SORCS1: variants seen among roughly 807,000 people sequenced by gnomAD.
SORCS1 encodes sortilin related VPS10 domain containing receptor 1.
Under a neutral mutation model 146.1 loss-of-function variants are expected in SORCS1, and 60 were observed. The ratio of observed to expected loss-of-function variants is 0.41; its 90% CI spans 0.33 to 0.51. The LOEUF (loss-of-function observed/expected upper bound fraction) is 0.51, where lower values mean the gene tolerates loss of function less well. Among genes scored for constraint, SORCS1 ranks in the 20% least tolerant of loss-of-function variants. The pLI is 0.21. For synonymous variants in SORCS1, 637 were observed against 584.0 expected, an observed-to-expected ratio of 1.09 and a Z score of -1.31; for missense variants, 1,352 against 1,487.6, an observed-to-expected ratio of 0.91 and a Z score of 1.50.
intron 2 of SORCS1, among the ~76,000 whole-genome samples, chr10:106,866,910 T>C (rs1480584830): frequency 6.6e-6 from 1 of 152,142 alleles, no homozygotes; most frequent in East Asian, 1.9e-4. Flanking sequence ...AAAAAACCAA[T>C]GCAAAGCCTC....
At position 107,038,839 on chromosome 10, in the gene SORCS1, G is replaced by A. The variant is rs1016159751; in HGVS notation, c.559-82259C>T. ...GACTAACAGAAAAGTTACCAAAACC[G>A]AACTTCAACCAAAGTTTATGGCATG... On this transcript the variant is annotated intron_variant, in intron 1 of 25. Transcript: ENST00000263054. Among the ~76,000 whole-genome samples, 4 of 152,026 alleles carry A rather than the reference G, an allele frequency of 2.6e-5. 1 individual carries two copies. The highest frequency in any genetic ancestry group is 9.7e-5 in the African/African-American group (4 of 41,420).
At chr10:106,687,724 T>C (rs953685385) in intron 10 of SORCS1, among the ~76,000 whole-genome samples, 1 of 152,174 alleles carries the variant, frequency 6.6e-6, no homozygotes, top group Admixed American at 6.5e-5. Context: ...CAGTGGTTCT[T>C]ACCTTTTTTG....
Position 106,576,917 on chromosome 10 carries a change from C to A in SORCS1, c.*503G>T. On this transcript the variant is annotated 3_prime_UTR_variant, in exon 26 of 26. Transcript: ENST00000263054. ...ATTTCCAAAAATACATGCAGATTTC[C>A]TTGGCCTATATATGTTATGAATTTT... 5.0e-6 allele frequency: 1 copy of A among 198,164 alleles called. No homozygotes were observed. The highest frequency in any genetic ancestry group is 1.0e-5 in the Non-Finnish European group (1 of 96,262). 12.3% of individuals were successfully genotyped at this position (198,164 alleles called of 1,614,324 possible). A position where few individuals can be genotyped will look rare whatever the true frequency, so the allele number is the denominator to read the frequency against.
intron 3 of SORCS1, among the ~76,000 whole-genome samples, chr10:106,787,971 C>T (rs1946134519): frequency 6.6e-6 from 1 of 152,170 alleles, no homozygotes; most frequent in Non-Finnish European, 1.5e-5. Flanking sequence ...ATATGAAAGA[C>T]AGTTCATAGA....
chr10:107,004,328 C>T (rs1454335754), intron 1 of SORCS1, among the ~76,000 whole-genome samples: 1 of 152,048 alleles, frequency 6.6e-6, no homozygotes, highest in Non-Finnish European at 1.5e-5. Context: ...TATCACACTG[C>T]TAATGAAGAC....
chr10:106,633,926 T>C (rs1317283689), intron 18 of SORCS1, among the ~76,000 whole-genome samples: 1 of 152,178 alleles, frequency 6.6e-6, no homozygotes, highest in Non-Finnish European at 1.5e-5. Flanking sequence ...TAGCAAAGGC[T>C]GAGGCCCTCT....
chr10:107,056,052 G>A (rs1421952639), intron 1 of SORCS1, among the ~76,000 whole-genome samples: 2 of 152,126 alleles, frequency 1.3e-5, no homozygotes, highest in African/African-American at 2.4e-5. Context: ...TATGACATTT[G>A]GCAGAAACAA....
chr10:107,167,996 T>C (rs1462996976), upstream of SORCS1, among the ~76,000 whole-genome samples: 1 of 152,188 alleles, frequency 6.6e-6, no homozygotes, highest in East Asian at 1.9e-4. Flanking sequence ...TTATTGTAAC[T>C]GCTTAATACT....
At chr10:106,899,591 CTTTTTTTTTTTT>C (rs35476429) in intron 2 of SORCS1, among the ~76,000 whole-genome samples, 7 of 97,526 alleles carry the variant, frequency 7.2e-5, no homozygotes, top group East Asian at 3.2e-4. Flanking sequence ...GCCACCAGGG[CTTTTTTTTTTTT>C]TTTTTTTTTG....
intron 1 of SORCS1, among the ~76,000 whole-genome samples, chr10:107,157,777 A>T (rs924927270): frequency 3.3e-5 from 5 of 152,112 alleles, no homozygotes; most frequent in African/African-American, 4.8e-5. Context: ...GTACAATCGG[A>T]GCAGAGTTTG....
rs191891953 is a variant in SORCS1, at chr10:106,973,173, G to A, written c.559-16593C>T. On this transcript the variant is annotated intron_variant, in intron 1 of 25. Transcript: ENST00000263054. ...AACAAGACCATCTGTCTTCTCCTCT[G>A]CTCAGGGAAGACTTTCCTAAACTGA... Among the ~76,000 whole-genome samples the A allele has an allele frequency of 6.1e-4, 93 of 152,278 alleles. 1 individual carries two copies. The highest frequency in any genetic ancestry group is 2.2e-3 in the African/African-American group (92 of 41,560).
intron 5 of SORCS1, among the ~76,000 whole-genome samples, chr10:106,746,253 T>C (rs1314426691): frequency 6.6e-6 from 1 of 152,238 alleles, no homozygotes; most frequent in Non-Finnish European, 1.5e-5. Flanking sequence ...TTGGTAAACA[T>C]TGCACCATGG....
intron 2 of SORCS1, among the ~76,000 whole-genome samples, chr10:106,878,291 G>A (rs886191192): frequency 1.3e-5 from 2 of 151,674 alleles, no homozygotes; most frequent in Non-Finnish European, 2.9e-5. Context: ...CAATAATTCG[G>A]GATATACATA....
intron 5 of SORCS1, among the ~76,000 whole-genome samples, chr10:106,750,526 G>A (rs1024268164): frequency 6.6e-6 from 1 of 150,692 alleles, no homozygotes; most frequent in Admixed American, 6.6e-5. Context: ...ATAGGAGATC[G>A]AGACGATCCT....
At chr10:107,148,104 T>A (rs1225442105) in intron 1 of SORCS1, among the ~76,000 whole-genome samples, 1 of 152,214 alleles carries the variant, frequency 6.6e-6, no homozygotes, top group Non-Finnish European at 1.5e-5. Flanking sequence ...ATCCACTTTG[T>A]GACTGGAAGT....
intron 17 of SORCS1, among the ~76,000 whole-genome samples, chr10:106,652,852 C>T (rs1849979978): frequency 6.6e-6 from 1 of 152,280 alleles, no homozygotes; most frequent in South Asian, 2.1e-4. Flanking sequence ...AGCCCCTACT[C>T]TCACTAAGTT....
intron 1 of SORCS1, among the ~76,000 whole-genome samples, chr10:107,156,397 G>A (rs1220713510): frequency 2.6e-5 from 4 of 152,244 alleles, no homozygotes; most frequent in Middle Eastern, 3.4e-3. Context: ...GTTCATAAAG[G>A]TGTCGTGATA....
chr10:106,778,637 T>A (rs539203402), intron 3 of SORCS1, among the ~76,000 whole-genome samples: 1 of 152,230 alleles, frequency 6.6e-6, no homozygotes, highest in Non-Finnish European at 1.5e-5. Context: ...CATCAAATGA[T>A]CATATTGTTT....
chr10:106,726,294 C>T (rs1197667026), intron 6 of SORCS1, among the ~76,000 whole-genome samples: 1 of 100,928 alleles, frequency 9.9e-6, no homozygotes. Flanking sequence ...ACAGGGCTAA[C>T]TTTTCAAATT....
Sources: gnomAD v4.1 joint callset for allele counts (sites outside exome capture counted in the v4.1 genomes callset) on GRCh38, gnomAD v4.1.1 for gene constraint, MANE v1.5 for transcripts, NCBI Gene and HGNC (gene_info 2026-07-23, HGNC 2026-07-21) for gene names.